The following CDH23 variants were observed in gnomAD, a reference collection of about 807,000 sequenced individuals.
CDH23 encodes cadherin related 23, also known as cadherin-23.
A neutral mutation model predicts 317.1 loss-of-function variants in CDH23; 189 were observed. That is an observed-to-expected ratio of 0.60 (90% CI 0.53 to 0.67). The LOEUF (loss-of-function observed/expected upper bound fraction) is 0.67. Among genes scored for constraint, CDH23 ranks in the 30% least tolerant of loss-of-function variants. The pLI is 0.00. For synonymous variants in CDH23, 1,839 were observed against 1,876.8 expected, an observed-to-expected ratio of 0.98 and a Z score of 0.52; for missense variants, 4,401 against 4,592.4, an observed-to-expected ratio of 0.96 and a Z score of 1.20.
At chr10:71,642,806 C>T (rs1418886687) in intron 11 of CDH23, among the ~76,000 whole-genome samples, 4 of 152,110 alleles carry the variant, frequency 2.6e-5, no homozygotes, top group Admixed American at 1.3e-4. Context: ...TGGAGGGGCC[C>T]GTGGGAGGAG....
chr10:71,586,165 T>A (rs951124856), intron 9 of CDH23, among the ~76,000 whole-genome samples: 3 of 152,216 alleles, frequency 2.0e-5, no homozygotes, highest in Non-Finnish European at 4.4e-5. Context: ...GCCAGAGCCA[T>A]GGCTGAGGCA....
intron 17 of CDH23, 115 bp from the exon 18 acceptor site, chr10:71,682,328 AGC>A: frequency 7.3e-7 from 1 of 1,375,252 alleles, no homozygotes; most frequent in East Asian, 2.5e-5. Context: ...TCAGAAAACA[AGC>A]CAGAGCTGGC....
At chr10:71,509,052 C>G (rs1564622727) in intron 3 of CDH23, among the ~76,000 whole-genome samples, 2 of 152,202 alleles carry the variant, frequency 1.3e-5, no homozygotes, top group Admixed American at 6.5e-5. Flanking sequence ...ACCAGGCATC[C>G]TGAAGCCTAG....
chr10:71,486,804 C>T (rs371047778), intron 3 of CDH23, among the ~76,000 whole-genome samples: 4 of 152,168 alleles, frequency 2.6e-5, no homozygotes, highest in East Asian at 1.9e-4. Context: ...AGGAGGCTTA[C>T]GGGGGTGTGC....
At chr10:71,544,269 A>G (rs1326587731) in intron 6 of CDH23, among the ~76,000 whole-genome samples, 1 of 152,194 alleles carries the variant, frequency 6.6e-6, no homozygotes, top group Non-Finnish European at 1.5e-5. Context: ...ATCAAATCAA[A>G]TAAACTCTCC....
chr10:71,410,331 T>C (rs2131917915), intron 1 of CDH23, among the ~76,000 whole-genome samples: 1 of 152,246 alleles, frequency 6.6e-6, no homozygotes, highest in Admixed American at 6.5e-5. Flanking sequence ...ATCATACCTA[T>C]GAGAAAGGCT....
intron 20 of CDH23, 50 bp downstream of exon 20, chr10:71,690,634 C>A: frequency 7.5e-7 from 1 of 1,335,780 alleles, no homozygotes. Context: ...CTGAGGCTGA[C>A]TGTCCATACC....
intron 3 of CDH23, among the ~76,000 whole-genome samples, chr10:71,447,710 C>G (rs1480252222): frequency 6.6e-6 from 1 of 152,166 alleles, no homozygotes; most frequent in Admixed American, 6.5e-5. Flanking sequence ...ATAGGCAGAG[C>G]CCCTTTCTGG....
intron 44 of CDH23, among the ~76,000 whole-genome samples, chr10:71,786,287 A>G (rs1359114339): frequency 2.0e-5 from 3 of 152,254 alleles, no homozygotes; most frequent in South Asian, 2.1e-4. Context: ...CTTCCAGCCC[A>G]TGAATCTGTG....
At chr10:71,643,708 G>T (rs1862685367) in intron 11 of CDH23, among the ~76,000 whole-genome samples, 153 bp from the exon 12 acceptor site, 1 of 152,170 alleles carries the variant, frequency 6.6e-6, no homozygotes. Context: ...TCAGAGGCTG[G>T]GGACAGCTGC....
intron 32 of CDH23, 105 bp downstream of exon 32, chr10:71,732,480 G>A: frequency 6.7e-7 from 1 of 1,485,540 alleles, no homozygotes; most frequent in Non-Finnish European, 9.0e-7. Context: ...AAATGTCCTT[G>A]AGATGGCCAA....
intron 1 of CDH23, among the ~76,000 whole-genome samples, chr10:71,434,782 G>A (rs147760478): frequency 2.0e-5 from 3 of 152,220 alleles, no homozygotes; most frequent in East Asian, 3.9e-4. Context: ...GGGTGAGGAG[G>A]GGGGAGACTT....
intron 1 of CDH23, among the ~76,000 whole-genome samples, chr10:71,420,559 G>GTGA (rs554586449): frequency 8.6e-5 from 12 of 139,440 alleles, no homozygotes; most frequent in South Asian, 2.2e-4. Context: ...TATGATGATG[G>GTGA]TGATGATGAT....
At chr10:71,750,895 C>T in intron 38 of CDH23, 1 of 214,782 alleles carries the variant, frequency 4.7e-6, no homozygotes, top group Middle Eastern at 1.5e-3. Flanking sequence ...CATCTTGTCC[C>T]ACTGATGCTG....
intron 40 of CDH23, among the ~76,000 whole-genome samples, chr10:71,778,947 T>G (rs1347143441): frequency 6.6e-6 from 1 of 152,086 alleles, no homozygotes; most frequent in African/African-American, 2.4e-5. Flanking sequence ...TTATTTTTTG[T>G]AGAGGTGGGG....
At chr10:71,438,347 C>CAAAAAAAAAAAAAAAAAAGAAAAAAAAA (rs1849716780) in intron 1 of CDH23, among the ~76,000 whole-genome samples, 7 of 98,344 alleles carry the variant, frequency 7.1e-5, no homozygotes, top group Admixed American at 1.1e-4. Flanking sequence ...CTGTCTCAAA[C>CAAAAAAAAAAAAAAAAAAGAAAAAAAAA]AAAAAAAAAA....
intron 6 of CDH23, among the ~76,000 whole-genome samples, chr10:71,532,405 A>C (rs997834228): frequency 6.6e-6 from 1 of 152,182 alleles, no homozygotes. Context: ...CAATCAGGGT[A>C]ATGGCAGGCC....
At chr10:71,505,366 CT>C (rs1853576120) in intron 3 of CDH23, among the ~76,000 whole-genome samples, 1 of 152,258 alleles carries the variant, frequency 6.6e-6, no homozygotes, top group African/African-American at 2.4e-5. Context: ...GACTAAGCAG[CT>C]TTTGTAAGTG....
rs192281044 is a variant in CDH23, at chr10:71,550,095, T to C, written c.430-16647T>C. The stretch of plus-strand genomic sequence containing the variant: ...AGCTGAGTCCCAAGACTGGCCCTCC[T>C]CTCAGGAGCTAGGAATAAGGCCTTG... On this transcript the variant is annotated intron_variant, in intron 6 of 69. Transcript: ENST00000224721. 3.0e-4 allele frequency among the ~76,000 whole-genome samples: 45 copies of C among 152,332 alleles called. 1 individual carries two copies. The East Asian group carries it at 7.9e-3, about 27-fold the overall frequency.
Sources: allele counts gnomAD v4.1 joint callset (sites outside exome capture counted in the v4.1 genomes callset), GRCh38; gene constraint gnomAD v4.1.1; transcripts MANE v1.5; gene names NCBI Gene and HGNC (gene_info 2026-07-23, HGNC 2026-07-21).